MOB1B: variants seen among roughly 807,000 people sequenced by gnomAD.
MOB1B encodes MOB1 Mps One Binder homolog B.
In MOB1B, 19 loss-of-function variants were observed where a neutral mutation model predicts 24.4. The ratio of observed to expected loss-of-function variants is 0.78; its 90% CI spans 0.54 to 1.14. The LOEUF (loss-of-function observed/expected upper bound fraction) is 1.14, where lower values mean the gene tolerates loss of function less well. Ranked by LOEUF, MOB1B falls within the 50% of genes most tolerant of loss-of-function variation. MOB1B has a pLI of 0.00. For synonymous variants in MOB1B, 76 were observed against 82.1 expected (o/e 0.93, Z 0.40); for missense variants, 243 against 259.6 (o/e 0.94, Z 0.44).
chr4:70,919,927 C>T (rs1441042950), intron 1 of MOB1B, among the ~76,000 whole-genome samples: 1 of 152,170 alleles, frequency 6.6e-6, no homozygotes, highest in Non-Finnish European at 1.5e-5. Context: ...CACATGTCCC[C>T]AGGCCTTACC....
At chr4:70,907,963 GA>G in intron 1 of MOB1B, among the ~76,000 whole-genome samples, 1 of 152,078 alleles carries the variant, frequency 6.6e-6, no homozygotes, top group Non-Finnish European at 1.5e-5. Flanking sequence ...ACTTATAAAT[GA>G]AAGTCTGTAG....
chr4:70,966,575 TG>T (rs1361282149), intron 2 of MOB1B, among the ~76,000 whole-genome samples: 2 of 151,614 alleles, frequency 1.3e-5, no homozygotes, highest in Non-Finnish European at 2.9e-5. Flanking sequence ...GGTTTCTCCA[TG>T]TTGGTCAGGC....
chr4:70,933,112 GA>G (rs566661597), intron 1 of MOB1B, among the ~76,000 whole-genome samples: 34 of 152,230 alleles, frequency 2.2e-4, no homozygotes, highest in African/African-American at 7.9e-4. Context: ...GCAGAAGGGG[GA>G]AAGGGAAGCA....
Position 70,952,654 on chromosome 4 carries a change from A to C in MOB1B, c.15-6220A>C, listed in dbSNP as rs545989681. ...CGAGACGCCGTCTCAAAAAAAAAAA[A>C]AAAAACAAAACAAAAACAAAAAAAA... On this transcript the variant is annotated intron_variant, in intron 1 of 5. Transcript: ENST00000309395. 1.6e-3 allele frequency among the ~76,000 whole-genome samples: 246 copies of C among 151,102 alleles called. 1 individual carries two copies. Among genetic ancestry groups the C allele is most frequent in the South Asian group, 3.3e-3 (16 of 4,820 alleles).
chr4:70,974,491 G>A (rs1046568836), intron 3 of MOB1B, among the ~76,000 whole-genome samples: 2 of 152,096 alleles, frequency 1.3e-5, no homozygotes, highest in African/African-American at 4.8e-5. Context: ...TAGGGAAAGT[G>A]TCTTTCATTT....
chr4:70,975,196 A>G lies in MOB1B; in HGVS notation c.319A>G (p.Ile107Val), dbSNP rs752969116. 1 of 1,612,112 alleles carries G rather than the reference A, an allele frequency of 6.2e-7. No individual in the cohort carries two copies. Among genetic ancestry groups the G allele is most frequent in the African/African-American group, 1.3e-5 (1 of 74,830 alleles). The change falls in exon 4 of 6, where the codon ATT becomes GTT. Residue 107 changes from isoleucine (I) to valine (V), a missense_variant. Ile to Val is a conservative substitution (Grantham distance 29). Transcript: ENST00000309395. Reference sequence around the variant, plus strand: ...AGATGGAACGAACATAAAGAAACCTATTAAGTGCTCTGCACCAAAGTATAT... The same window carrying G: ...AGATGGAACGAACATAAAGAAACCTGTTAAGTGCTCTGCACCAAAGTATAT... ...WADGTNIKKPIKCSAPKYIDY... is the reference protein window; with the variant it reads ...WADGTNIKKPVKCSAPKYIDY...
intron 1 of MOB1B, chr4:70,942,772 T>C (rs1737401704): frequency 3.1e-6 from 2 of 649,966 alleles, no homozygotes; most frequent in South Asian, 1.4e-4. Context: ...GAACAGGTTT[T>C]AGCCCCTCCC....
chr4:70,932,001 A>T (rs922147469), intron 1 of MOB1B, among the ~76,000 whole-genome samples: 1 of 152,036 alleles, frequency 6.6e-6, no homozygotes, highest in Non-Finnish European at 1.5e-5. Context: ...AACTAGTGGG[A>T]TTGTAGGCAT....
intron 1 of MOB1B, among the ~76,000 whole-genome samples, chr4:70,954,608 AC>A (rs1737960426): frequency 6.6e-6 from 1 of 151,746 alleles, no homozygotes; most frequent in Non-Finnish European, 1.5e-5. Context: ...GGCCTGCGCC[AC>A]CATGCCCAGC....
chr4:70,966,847 CAA>C (rs1049259757), intron 2 of MOB1B, among the ~76,000 whole-genome samples: 1 of 135,054 alleles, frequency 7.4e-6, no homozygotes. Flanking sequence ...GATCCTACTT[CAA>C]AAAAAAAAAT....
chr4:70,937,750 TC>T (rs1179840825), intron 1 of MOB1B, among the ~76,000 whole-genome samples: 2 of 152,106 alleles, frequency 1.3e-5, no homozygotes, highest in African/African-American at 2.4e-5. Context: ...GGTCTTGAAC[TC>T]CTGACCTCAG....
chr4:70,976,490 G>T (rs1319163236), intron 4 of MOB1B: 8 of 984,838 alleles, frequency 8.1e-6, no homozygotes, highest in Non-Finnish European at 9.6e-6. Flanking sequence ...TACTTTTAAG[G>T]GCAGACTTAT....
intron 1 of MOB1B, among the ~76,000 whole-genome samples, chr4:70,958,417 C>T (rs963537787): frequency 6.6e-6 from 1 of 152,046 alleles, no homozygotes; most frequent in East Asian, 1.9e-4. Flanking sequence ...ATCCGCCTAC[C>T]TCTGCCTCAA....
At chr4:70,969,527 CA>C (rs2148899465) in intron 2 of MOB1B, among the ~76,000 whole-genome samples, 1 of 152,264 alleles carries the variant, frequency 6.6e-6, no homozygotes, top group East Asian at 1.9e-4. Context: ...ACTATCATTT[CA>C]ATTTGTAGTT....
At chr4:70,919,830 G>A (rs1459645050) in intron 1 of MOB1B, among the ~76,000 whole-genome samples, 1 of 152,162 alleles carries the variant, frequency 6.6e-6, no homozygotes, top group Non-Finnish European at 1.5e-5. Context: ...TTAATTGCAT[G>A]TTATAATGGC....
Position 70,973,921 on chromosome 4 carries a change from A to G in MOB1B, c.276-1232A>G, listed in dbSNP as rs78124993. Among the ~76,000 whole-genome samples, 198 of 152,312 alleles carry G rather than the reference A, an allele frequency of 1.3e-3. 2 individuals carry two copies. The East Asian group carries it at 0.018, about 14-fold the overall frequency. On this transcript the variant is annotated intron_variant, in intron 3 of 5. Coordinates refer to ENST00000309395, the MANE Select transcript of MOB1B (RefSeq NM_173468.4). ...ATTTTTATTGTTTAAAATACCCTAT[A>G]GTATTTTTCTGTTATATATTGTCAT...
intron 2 of MOB1B, among the ~76,000 whole-genome samples, chr4:70,965,623 C>T (rs1042696056): frequency 1.1e-4 from 17 of 150,564 alleles, no homozygotes; most frequent in African/African-American, 3.9e-4. Context: ...CGGCGGAACC[C>T]TGTCTCCACT....
intron 5 of MOB1B, 35 bp downstream of exon 5, chr4:70,979,326 T>A (rs1357751411): frequency 6.5e-7 from 1 of 1,547,028 alleles, no homozygotes; most frequent in South Asian, 1.1e-5. Flanking sequence ...GTGCTCAGGG[T>A]AAGCATTTAT....
upstream of MOB1B, among the ~76,000 whole-genome samples, chr4:70,902,102 C>G (rs1409145415): frequency 2.0e-5 from 3 of 152,204 alleles, no homozygotes; most frequent in Admixed American, 2.0e-4. Context: ...TGCCATGACT[C>G]CTAACCGGGT....
Sources: gnomAD v4.1 joint callset for allele counts (sites outside exome capture counted in the v4.1 genomes callset) on GRCh38, gnomAD v4.1.1 for gene constraint, MANE v1.5 for transcripts, NCBI Gene and HGNC (gene_info 2026-07-23, HGNC 2026-07-21) for gene names.